The following NR3C2 variants were observed in gnomAD, a reference collection of about 807,000 sequenced individuals.
The protein encoded by NR3C2 is mineralocorticoid receptor.
Under a neutral mutation model 86.4 loss-of-function variants are expected in NR3C2, and 15 were observed. That is an observed-to-expected ratio of 0.17 (90% CI 0.12 to 0.27). NR3C2 has a LOEUF of 0.27. Among genes scored for constraint, NR3C2 ranks in the 10% least tolerant of loss-of-function variants. NR3C2 has a pLI of 1.00. For synonymous variants in NR3C2, 458 were observed against 450.5 expected (o/e 1.02, Z -0.21); for missense variants, 960 against 1,195.6 (o/e 0.80, Z 2.91).
At position 148,358,517 on chromosome 4, in the gene NR3C2, T is replaced by C. The variant is rs572888988; in HGVS notation, c.1757+76587A>G. 9.6e-4 allele frequency among the ~76,000 whole-genome samples: 145 copies of C among 151,436 alleles called. 1 individual carries two copies. The highest frequency in any genetic ancestry group is 1.6e-3 in the Non-Finnish European group (109 of 67,878). ...GGGTAGCATTGGGAGATATACCTAATGCTAGATGACGAGTTAGTGGATGCA... is the reference window on the plus strand; with the variant it reads ...GGGTAGCATTGGGAGATATACCTAACGCTAGATGACGAGTTAGTGGATGCA... On this transcript the variant is annotated intron_variant, in intron 2 of 8. Coordinates refer to ENST00000358102, the MANE Select transcript of NR3C2 (RefSeq NM_000901.5).
At chr4:148,197,526 T>C (rs929597429) in intron 3 of NR3C2, among the ~76,000 whole-genome samples, 2 of 152,150 alleles carry the variant, frequency 1.3e-5, no homozygotes, top group African/African-American at 2.4e-5. Flanking sequence ...TTTTAGATTG[T>C]AGGCATACAG....
At chr4:148,281,316 TAGTTACTTACATGTAACTGA>T (rs1741226884) in intron 2 of NR3C2, among the ~76,000 whole-genome samples, 1 of 152,246 alleles carries the variant, frequency 6.6e-6, no homozygotes, top group South Asian at 2.1e-4. Context: ...GTTTAAACTG[TAGTTACTTACATGTAACTGA>T]AATAAAAGTT....
chr4:148,277,610 A>T (rs893258209), intron 2 of NR3C2, among the ~76,000 whole-genome samples: 1 of 152,228 alleles, frequency 6.6e-6, no homozygotes, highest in African/African-American at 2.4e-5. Flanking sequence ...CTCTATTAAA[A>T]CAAATTTTTA....
At chr4:148,339,690 G>C (rs1176114920) in intron 2 of NR3C2, among the ~76,000 whole-genome samples, 1 of 152,114 alleles carries the variant, frequency 6.6e-6, no homozygotes, top group African/African-American at 2.4e-5. Context: ...TCCTTTCACT[G>C]TAAGTCCTAG....
intron 4 of NR3C2, among the ~76,000 whole-genome samples, chr4:148,179,291 G>A (rs535032817): frequency 2.6e-5 from 4 of 151,664 alleles, no homozygotes; most frequent in African/African-American, 4.8e-5. Context: ...TGAGACCACC[G>A]AGGACAAATG....
chr4:148,188,061 T>C (rs1222002701), intron 4 of NR3C2, among the ~76,000 whole-genome samples: 4 of 152,218 alleles, frequency 2.6e-5, no homozygotes, highest in Admixed American at 1.3e-4. Context: ...TCTACTACGT[T>C]CCAATGGTCT....
chr4:148,370,709 C>A (rs1450166754), intron 2 of NR3C2, among the ~76,000 whole-genome samples: 1 of 152,086 alleles, frequency 6.6e-6, no homozygotes, highest in African/African-American at 2.4e-5. Context: ...ATGACACTCC[C>A]ATAGTCTGGT....
intron 2 of NR3C2, among the ~76,000 whole-genome samples, chr4:148,264,144 G>C (rs1740261448): frequency 6.6e-6 from 1 of 152,142 alleles, no homozygotes; most frequent in Non-Finnish European, 1.5e-5. Context: ...AGGAAAAAAA[G>C]AATCCAGGGA....
At chr4:148,276,653 T>C (rs765343746) in intron 2 of NR3C2, among the ~76,000 whole-genome samples, 4 of 152,106 alleles carry the variant, frequency 2.6e-5, no homozygotes, top group Non-Finnish European at 4.4e-5. Flanking sequence ...TGAATGAAAA[T>C]AGGTAAGTAT....
rs1050575838 is a variant in NR3C2, at chr4:148,230,055, T to C, written c.1897+29923A>G. On this transcript the variant is annotated intron_variant, in intron 3 of 8. Coordinates refer to ENST00000358102, the MANE Select transcript of NR3C2 (RefSeq NM_000901.5). ...TCTGTGGGGGTGGGAAAGCTGTCCT[T>C]CTTTAATTGGGACAATTCTCTCTCT... Among the ~76,000 whole-genome samples, 4 of 152,160 alleles carry C rather than the reference T, an allele frequency of 2.6e-5. No homozygotes were observed. In the East Asian group the frequency reaches 7.7e-4, roughly 29 times the overall value.
At chr4:148,241,422 G>C (rs10026777) in intron 3 of NR3C2, among the ~76,000 whole-genome samples, 1 of 122,930 alleles carries the variant, frequency 8.1e-6, no homozygotes, top group African/African-American at 3.0e-5. Flanking sequence ...AACTCTAATG[G>C]CACACTTATT....
At chr4:148,387,160 A>G (rs1747306396) in intron 2 of NR3C2, among the ~76,000 whole-genome samples, 1 of 152,222 alleles carries the variant, frequency 6.6e-6, no homozygotes, top group African/African-American at 2.4e-5. Context: ...TCTTTCCTGC[A>G]GAAAGCTTAA....
chr4:148,100,882 T>G (rs920260855), intron 8 of NR3C2, among the ~76,000 whole-genome samples: 7 of 152,178 alleles, frequency 4.6e-5, no homozygotes, highest in African/African-American at 1.7e-4. Flanking sequence ...TTATTCAGCC[T>G]TATAAAGGGA....
At chr4:148,442,432 G>A (rs61760022), upstream of NR3C2, 293 of 161,504 alleles carry the variant, frequency 1.8e-3, 1 homozygote, top group Middle Eastern at 9.3e-3. Context: ...CAGGGGCAGG[G>A]GCAGGGCCAG....
intron 3 of NR3C2, among the ~76,000 whole-genome samples, chr4:148,205,201 T>C (rs1345746871): frequency 6.6e-6 from 1 of 152,208 alleles, no homozygotes; most frequent in Non-Finnish European, 1.5e-5. Flanking sequence ...AAAGGACAAC[T>C]GAATCATAAA....
At chr4:148,213,898 G>C (rs1737402274) in intron 3 of NR3C2, among the ~76,000 whole-genome samples, 1 of 152,140 alleles carries the variant, frequency 6.6e-6, no homozygotes, top group Admixed American at 6.5e-5. Flanking sequence ...AGGGAAAAAT[G>C]GTGCAAATGG....
chr4:148,320,872 T>C (rs929814926), intron 2 of NR3C2, among the ~76,000 whole-genome samples: 6 of 150,360 alleles, frequency 4.0e-5, no homozygotes, highest in African/African-American at 9.9e-5. Context: ...TGTGTCTCTA[T>C]TTCCTTCAGT....
chr4:148,175,036 G>A (rs1237081776), intron 4 of NR3C2, among the ~76,000 whole-genome samples: 1 of 152,104 alleles, frequency 6.6e-6, no homozygotes, highest in Non-Finnish European at 1.5e-5. Context: ...GCTATGTTAG[G>A]GTTGGCAAGG....
chr4:148,138,864 G>A (rs993615400), intron 6 of NR3C2, among the ~76,000 whole-genome samples: 2 of 152,236 alleles, frequency 1.3e-5, no homozygotes, highest in Non-Finnish European at 2.9e-5. Flanking sequence ...TTCATGTTCT[G>A]ATAGGAGTGG....
Sources: allele counts gnomAD v4.1 joint callset (sites outside exome capture counted in the v4.1 genomes callset), GRCh38; gene constraint gnomAD v4.1.1; transcripts MANE v1.5; gene names NCBI Gene and HGNC (gene_info 2026-07-23, HGNC 2026-07-21).